Variants in CA10 observed in about 807,000 individuals in gnomAD.
CA10 encodes the protein carbonic anhydrase 10 (inactive).
In CA10, 14 loss-of-function variants were observed where a neutral mutation model predicts 44.2. That is an observed-to-expected ratio of 0.32 (90% CI 0.21 to 0.50). CA10 has a LOEUF of 0.50. Ranked by LOEUF, CA10 falls within the 20% of genes least tolerant of loss-of-function variation. The pLI, the probability that CA10 is intolerant of heterozygous loss-of-function variation, is 0.99. For synonymous variants in CA10, 159 were observed against 141.6 expected (o/e 1.12, Z -0.87); for missense variants, 350 against 409.7 (o/e 0.85, Z 1.26).
At chr17:52,131,451 T>C (rs1185760416) in intron 1 of CA10, among the ~76,000 whole-genome samples, 4 of 152,228 alleles carry the variant, frequency 2.6e-5, no homozygotes, top group Non-Finnish European at 4.4e-5. Flanking sequence ...TTCTGAGTGA[T>C]AGTGAAACAA....
chr17:51,727,799 A>T (rs534863802), intron 4 of CA10, among the ~76,000 whole-genome samples: 1 of 152,304 alleles, frequency 6.6e-6, no homozygotes, highest in African/African-American at 2.4e-5. Context: ...GGAACACAGC[A>T]GTGAAAAAAG....
intron 4 of CA10, among the ~76,000 whole-genome samples, chr17:51,728,295 TATTG>T (rs1333812116): frequency 6.6e-6 from 1 of 152,180 alleles, no homozygotes; most frequent in Non-Finnish European, 1.5e-5. Context: ...TTTTTTTTTT[TATTG>T]AAACTAAGAA....
chr17:51,648,097 G>C (rs935693452), intron 6 of CA10, among the ~76,000 whole-genome samples: 1 of 152,176 alleles, frequency 6.6e-6, no homozygotes, highest in Non-Finnish European at 1.5e-5. Context: ...AATGTTTGTC[G>C]AATAAGTGAG....
At chr17:52,102,013 T>C (rs1297858723) in intron 1 of CA10, among the ~76,000 whole-genome samples, 1 of 152,168 alleles carries the variant, frequency 6.6e-6, no homozygotes. Context: ...TGCATATTGT[T>C]TCCACTAAAA....
chr17:51,720,862 T>C (rs1329438978), intron 4 of CA10, among the ~76,000 whole-genome samples: 2 of 85,294 alleles, frequency 2.3e-5, no homozygotes, highest in African/African-American at 7.2e-5. Flanking sequence ...TTAATAATAA[T>C]GTATGTATAC....
chr17:51,638,288 C>A (rs567497759), intron 6 of CA10, among the ~76,000 whole-genome samples: 9 of 152,336 alleles, frequency 5.9e-5, no homozygotes, highest in African/African-American at 1.9e-4. Context: ...GTAAGGGAAC[C>A]CCTCCAGGGT....
Position 51,891,452 on chromosome 17 carries a change from C to G in CA10, c.279+39538G>C, listed in dbSNP as rs537757632. 5.6e-4 allele frequency among the ~76,000 whole-genome samples: 85 copies of G among 152,138 alleles called. 3 individuals carry two copies. Among genetic ancestry groups the G allele is most frequent in the African/African-American group, 2.0e-3 (83 of 41,520 alleles). On this transcript the variant is annotated intron_variant, in intron 3 of 8. Transcript: ENST00000451037. ...TTGAAACAGAGGTGGTAATAGTTAG[C>G]GATTTGGTTTGGATGAATAATAGAG...
At chr17:52,091,997 A>G (rs1304180969) in intron 1 of CA10, among the ~76,000 whole-genome samples, 1 of 152,216 alleles carries the variant, frequency 6.6e-6, no homozygotes, top group Non-Finnish European at 1.5e-5. Flanking sequence ...ATCACTACAC[A>G]AACTTCTACA....
intron 4 of CA10, among the ~76,000 whole-genome samples, chr17:51,721,977 T>C (rs1204113150): frequency 1.3e-5 from 2 of 151,894 alleles, no homozygotes; most frequent in Admixed American, 6.6e-5. Context: ...TGAAGAGGGG[T>C]TGTAGGATTT....
At chr17:51,898,206 C>T (rs1981155708) in intron 3 of CA10, among the ~76,000 whole-genome samples, 1 of 152,090 alleles carries the variant, frequency 6.6e-6, no homozygotes, top group Admixed American at 6.6e-5. Context: ...GTGGGTTTGT[C>T]ATAAGTGGCT....
intron 3 of CA10, among the ~76,000 whole-genome samples, chr17:51,837,057 A>G (rs1020718935): frequency 6.7e-6 from 1 of 150,204 alleles, no homozygotes; most frequent in African/African-American, 2.5e-5. Flanking sequence ...AACAATATGT[A>G]TACATTGATT....
intron 1 of CA10, among the ~76,000 whole-genome samples, chr17:52,116,286 T>G (rs1183953908): frequency 6.6e-6 from 1 of 152,114 alleles, no homozygotes; most frequent in East Asian, 1.9e-4. Context: ...AGGACCCCAA[T>G]TCACAAGATG....
At chr17:51,975,852 C>T (rs981291795) in intron 2 of CA10, among the ~76,000 whole-genome samples, 1 of 115,812 alleles carries the variant, frequency 8.6e-6, no homozygotes, top group African/African-American at 3.5e-5. Flanking sequence ...GCCTGGGTGA[C>T]AGAGTTAGAC....
intron 4 of CA10, among the ~76,000 whole-genome samples, chr17:51,674,070 T>C (rs952742504): frequency 6.6e-6 from 1 of 152,224 alleles, no homozygotes; most frequent in African/African-American, 2.4e-5. Flanking sequence ...TCTGCTACCA[T>C]CATGCCCACA....
intron 3 of CA10, among the ~76,000 whole-genome samples, chr17:51,835,211 G>A (rs553516105): frequency 6.6e-6 from 1 of 152,172 alleles, no homozygotes; most frequent in Admixed American, 6.5e-5. Flanking sequence ...CCTCCCACTG[G>A]AAGAGTTAAG....
intron 4 of CA10, among the ~76,000 whole-genome samples, chr17:51,716,410 G>C (rs1048297862): frequency 2.0e-5 from 3 of 152,098 alleles, no homozygotes; most frequent in African/African-American, 7.2e-5. Flanking sequence ...ATAAAAGGAT[G>C]TCTAAAATGC....
intron 2 of CA10, among the ~76,000 whole-genome samples, chr17:52,033,098 T>G (rs1229666240): frequency 6.6e-6 from 1 of 152,116 alleles, no homozygotes; most frequent in Non-Finnish European, 1.5e-5. Context: ...TTCAGAGAAA[T>G]TTTTGCGTTG....
chr17:52,068,184 GA>G lies in CA10; in HGVS notation c.136+4134del, dbSNP rs1032786043. ...AAGGAGAGACCAGGTGAAGTAATTG[GA>G]TCTTGGGGTGGTTTCTCCCATGCTG... On this transcript the variant is annotated intron_variant, in intron 2 of 8. Transcript: ENST00000451037. 1.6e-4 allele frequency among the ~76,000 whole-genome samples: 24 copies of G among 152,286 alleles called. 1 individual carries two copies. Among genetic ancestry groups the G allele is most frequent in the Admixed American group, 1.6e-3 (24 of 15,300 alleles).
At chr17:51,858,245 A>C (rs972774318) in intron 3 of CA10, among the ~76,000 whole-genome samples, 10 of 152,202 alleles carry the variant, frequency 6.6e-5, no homozygotes, top group African/African-American at 2.2e-4. Flanking sequence ...TTAGTGAGCA[A>C]GAGTGAAGGG....
Sources: gnomAD v4.1 joint callset for allele counts (sites outside exome capture counted in the v4.1 genomes callset) on GRCh38, gnomAD v4.1.1 for gene constraint, MANE v1.5 for transcripts, NCBI Gene and HGNC (gene_info 2026-07-23, HGNC 2026-07-21) for gene names.